Variants in COL25A1 observed in about 807,000 individuals in gnomAD.
COL25A1 encodes collagen alpha-1(XXV) chain.
COL25A1 carries 103 observed loss-of-function variants against 128.4 expected under a neutral mutation model. The ratio of observed to expected loss-of-function variants is 0.80; its 90% CI spans 0.68 to 0.94. The LOEUF (loss-of-function observed/expected upper bound fraction) is 0.94. COL25A1 is among the 40% of genes least tolerant of loss of function. COL25A1 has a pLI of 0.00. For synonymous variants in COL25A1, 279 were observed against 277.2 expected, an observed-to-expected ratio of 1.01 and a Z score of -0.06; for missense variants, 745 against 840.0, an observed-to-expected ratio of 0.89 and a Z score of 1.40.
At chr4:109,142,860 C>T (rs571972738) in intron 3 of COL25A1, among the ~76,000 whole-genome samples, 1 of 152,142 alleles carries the variant, frequency 6.6e-6, no homozygotes, top group South Asian at 2.1e-4. Context: ...GACTCTTTAT[C>T]CAATTTGCCA....
chr4:109,233,554 G>A (rs2126223086), intron 3 of COL25A1, among the ~76,000 whole-genome samples: 2 of 151,376 alleles, frequency 1.3e-5, no homozygotes, highest in Non-Finnish European at 2.9e-5. Flanking sequence ...AATAAGCACT[G>A]GAAGAACAGA....
Position 109,061,014 on chromosome 4 carries a change from A to G in COL25A1, c.368-10835T>C, listed in dbSNP as rs116382015. 2.4e-3 allele frequency among the ~76,000 whole-genome samples: 363 copies of G among 152,244 alleles called. 2 individuals are homozygous for G. The highest frequency in any genetic ancestry group is 8.1e-3 in the African/African-American group (336 of 41,542). ...CATTTTAACCTATTTTCATCATGCA[A>G]TTCTCCAGATCAATAAGCTTTCATG... On this transcript the variant is annotated intron_variant, in intron 3 of 37. Coordinates refer to ENST00000399132, the MANE Select transcript of COL25A1 (RefSeq NM_198721.4).
chr4:109,120,889 T>TA (rs199547780), intron 3 of COL25A1, among the ~76,000 whole-genome samples: 3,588 of 151,508 alleles, frequency 0.024, 101 homozygotes, highest in South Asian at 0.13. Context: ...GATATAAATC[T>TA]AAAAAAAATG....
intron 3 of COL25A1, among the ~76,000 whole-genome samples, chr4:109,262,635 T>G (rs1781530777): frequency 6.6e-6 from 1 of 152,214 alleles, no homozygotes; most frequent in Non-Finnish European, 1.5e-5. Context: ...CGGTAAAAGT[T>G]ATTAATTTCA....
chr4:109,008,637 C>A (rs1756271236), intron 6 of COL25A1, among the ~76,000 whole-genome samples: 1 of 152,238 alleles, frequency 6.6e-6, no homozygotes, highest in South Asian at 2.1e-4. Context: ...AAGGGCTGAG[C>A]ACTACAAGGT....
rs1197392631 is a variant in COL25A1, at chr4:108,859,647, G to A, written c.1320+9C>T. The A allele has an allele frequency of 4.3e-6, 7 of 1,612,684 alleles. No homozygotes were observed. The highest frequency in any genetic ancestry group is 5.9e-6 in the Non-Finnish European group (7 of 1,179,244). ...TCAGTGTGTGTCAGGGCAGGGACCAGTCACTTGCCTGTAAGGCTTCGTGGA... is the reference window on the plus strand; with the variant it reads ...TCAGTGTGTGTCAGGGCAGGGACCAATCACTTGCCTGTAAGGCTTCGTGGA... On this transcript the variant is annotated intron_variant, in intron 24 of 37. Coordinates refer to ENST00000399132, the MANE Select transcript of COL25A1 (RefSeq NM_198721.4).
chr4:108,880,992 A>G (rs536771103), intron 19 of COL25A1, among the ~76,000 whole-genome samples: 19 of 152,290 alleles, frequency 1.2e-4, no homozygotes, highest in African/African-American at 3.8e-4. Context: ...CTTATTCCAG[A>G]AGATCAATGT....
intron 5 of COL25A1, among the ~76,000 whole-genome samples, chr4:109,041,465 CTG>C (rs1209568012): frequency 2.0e-5 from 3 of 152,044 alleles, no homozygotes; most frequent in Admixed American, 2.0e-4. Flanking sequence ...TGTTACAAGA[CTG>C]AGACCACATT....
intron 9 of COL25A1, 73 bp downstream of exon 9, chr4:108,941,293 C>G: frequency 8.1e-7 from 1 of 1,231,374 alleles, no homozygotes; most frequent in Non-Finnish European, 1.2e-6. Context: ...AGAGATAAAT[C>G]GTAAAGCAAT....
chr4:109,200,750 C>G (rs111497010), intron 3 of COL25A1, among the ~76,000 whole-genome samples: 209 of 152,174 alleles, frequency 1.4e-3, no homozygotes, highest in African/African-American at 4.9e-3. Context: ...CTGCACCCGG[C>G]CTCTCCTAAC....
intron 3 of COL25A1, among the ~76,000 whole-genome samples, chr4:109,198,792 G>C (rs1364650779): frequency 6.6e-6 from 1 of 152,290 alleles, no homozygotes; most frequent in East Asian, 1.9e-4. Flanking sequence ...ACAAATGTCT[G>C]GGATGCTTTC....
In COL25A1 at chr4:108,933,851, G is replaced by GACACACAC. The variant is rs3065581; in HGVS notation, c.708+3949_708+3956dup. Among the ~76,000 whole-genome samples, 782 of 148,770 alleles carry GACACACAC rather than the reference G, an allele frequency of 5.3e-3. 8 individuals are homozygous for GACACACAC. Among genetic ancestry groups the GACACACAC allele is most frequent in the South Asian group, 0.014 (65 of 4,650 alleles). ...CTCCCTACCAGATTTCAAGTTCACAGACACACACACACACACACACACACA... is the reference window on the plus strand; with the variant it reads ...CTCCCTACCAGATTTCAAGTTCACAGACACACACACACACACACACACACACACACACA... On this transcript the variant is annotated intron_variant, in intron 11 of 37. Transcript: ENST00000399132.
intron 3 of COL25A1, among the ~76,000 whole-genome samples, chr4:109,101,651 G>C (rs1765902993): frequency 6.6e-6 from 1 of 152,038 alleles, no homozygotes; most frequent in South Asian, 2.1e-4. Context: ...ACAAGTCTAG[G>C]TGTCTCTTGA....
intron 3 of COL25A1, among the ~76,000 whole-genome samples, chr4:109,138,503 G>A (rs1770035478): frequency 6.6e-6 from 1 of 152,190 alleles, no homozygotes; most frequent in African/African-American, 2.4e-5. Context: ...TATATACCCA[G>A]TAATGGGGTT....
intron 3 of COL25A1, among the ~76,000 whole-genome samples, chr4:109,063,309 C>T (rs569276698): frequency 6.6e-6 from 1 of 152,120 alleles, no homozygotes; most frequent in Admixed American, 6.5e-5. Flanking sequence ...TTGAGACCAG[C>T]CTGACCAACA....
At chr4:109,275,037 C>T (rs1036745269) in intron 3 of COL25A1, among the ~76,000 whole-genome samples, 4 of 152,172 alleles carry the variant, frequency 2.6e-5, no homozygotes, top group Non-Finnish European at 4.4e-5. Flanking sequence ...TACACAATGG[C>T]CCTCTTTGTG....
intron 3 of COL25A1, among the ~76,000 whole-genome samples, chr4:109,065,308 C>T (rs1463945201): frequency 6.6e-6 from 1 of 152,194 alleles, no homozygotes; most frequent in Non-Finnish European, 1.5e-5. Context: ...GAAGTAGGAA[C>T]ACTCCCATTC....
intron 3 of COL25A1, among the ~76,000 whole-genome samples, chr4:109,210,389 T>C (rs1014140613): frequency 6.6e-6 from 1 of 152,182 alleles, no homozygotes; most frequent in Non-Finnish European, 1.5e-5. Context: ...GAGATAATGG[T>C]CTAAGTTCAA....
intron 3 of COL25A1, among the ~76,000 whole-genome samples, chr4:109,165,377 T>C (rs1444191905): frequency 2.0e-5 from 3 of 152,076 alleles, no homozygotes; most frequent in African/African-American, 4.8e-5. Context: ...AGCATACATA[T>C]ACAAAGATCT....
Sources: gnomAD v4.1 joint callset for allele counts (sites outside exome capture counted in the v4.1 genomes callset) on GRCh38, gnomAD v4.1.1 for gene constraint, MANE v1.5 for transcripts, NCBI Gene and HGNC (gene_info 2026-07-23, HGNC 2026-07-21) for gene names.